ARHGEF3: variants seen among roughly 807,000 people sequenced by gnomAD.
ARHGEF3 encodes the protein Rho guanine nucleotide exchange factor 3.
ARHGEF3 carries 28 observed loss-of-function variants against 63.2 expected under a neutral mutation model. The ratio of observed to expected loss-of-function variants is 0.44; its 90% CI spans 0.33 to 0.61. ARHGEF3 has a LOEUF of 0.61. ARHGEF3 is among the 20% of genes least tolerant of loss of function. The pLI is 0.03. For missense variants in ARHGEF3, 533 were observed against 659.3 expected (o/e 0.81, Z 2.10); for synonymous variants, 266 against 254.2 (o/e 1.05, Z -0.44).
intron 4 of ARHGEF3, among the ~76,000 whole-genome samples, chr3:56,876,174 T>C (rs2040580477): frequency 6.6e-6 from 1 of 152,060 alleles, no homozygotes; most frequent in South Asian, 2.1e-4. Context: ...ACCAGCATGG[T>C]TGGCCTGCAT....
At chr3:56,972,337 C>T (rs1700949685) in intron 2 of ARHGEF3, among the ~76,000 whole-genome samples, 1 of 152,078 alleles carries the variant, frequency 6.6e-6, no homozygotes, top group Non-Finnish European at 1.5e-5. Flanking sequence ...TAAATAATTC[C>T]TATAAAGCAC....
intron 4 of ARHGEF3, among the ~76,000 whole-genome samples, chr3:56,816,250 G>T (rs138934473): frequency 6.6e-6 from 1 of 152,208 alleles, no homozygotes; most frequent in Non-Finnish European, 1.5e-5. Flanking sequence ...CTAGATGGTT[G>T]CTGGCATGAG....
At position 56,728,824 on chromosome 3, in the gene ARHGEF3, T is replaced by A. The variant is rs1269995533; in HGVS notation, c.*446A>T. On this transcript the variant is annotated 3_prime_UTR_variant, in exon 10 of 10. Transcript: ENST00000296315. ...GATTCTCTCTCTAATACCATCCCAATACACAGATGAGTTCCTCATGCCCTA... is the reference window on the plus strand; with the variant it reads ...GATTCTCTCTCTAATACCATCCCAAAACACAGATGAGTTCCTCATGCCCTA... 6.0e-6 allele frequency: 1 copy of A among 167,074 alleles called. No homozygotes were observed. The highest frequency in any genetic ancestry group is 2.4e-5 in the African/African-American group (1 of 41,708). 10.3% of individuals were successfully genotyped at this position (167,074 alleles called of 1,614,324 possible). A position where few individuals can be genotyped will look rare whatever the true frequency, so the allele number is the denominator to read the frequency against.
rs887427100 is a variant in ARHGEF3 at position 57,070,534 on chromosome 3, A to G, written c.-28+8692T>C. 2.0e-5 allele frequency among the ~76,000 whole-genome samples: 3 copies of G among 152,318 alleles called. No homozygotes were observed. In the East Asian group the frequency reaches 5.8e-4, roughly 29 times the overall value. On this transcript the variant is annotated intron_variant, in intron 1 of 12. Transcript: ENST00000338458. The stretch of plus-strand genomic sequence containing the variant: ...AGGTTCCACAGTTAATATTGTTAAG[A>G]TGGCAAAACTCCCCAAGTGATCTAC...
intron 3 of ARHGEF3, among the ~76,000 whole-genome samples, chr3:56,944,566 T>C (rs1434646649): frequency 7.3e-6 from 1 of 136,764 alleles, no homozygotes; most frequent in Non-Finnish European, 1.6e-5. Flanking sequence ...AGAAAGTGGT[T>C]TCTTTTTTTT....
At chr3:56,868,908 T>C (rs1384185212) in intron 4 of ARHGEF3, among the ~76,000 whole-genome samples, 1 of 152,200 alleles carries the variant, frequency 6.6e-6, no homozygotes, top group Non-Finnish European at 1.5e-5. Flanking sequence ...GTGTATGATG[T>C]ATGGCAGAGC....
intron 2 of ARHGEF3, among the ~76,000 whole-genome samples, chr3:56,761,535 G>A (rs2035420456): frequency 6.6e-6 from 1 of 151,968 alleles, no homozygotes; most frequent in Non-Finnish European, 1.5e-5. Flanking sequence ...CTCCTTGAAG[G>A]CAGGCATATC....
chr3:56,854,673 T>C (rs2039803650), intron 4 of ARHGEF3, among the ~76,000 whole-genome samples: 1 of 143,042 alleles, frequency 7.0e-6, no homozygotes, highest in African/African-American at 2.6e-5. Flanking sequence ...TGAGATTTGG[T>C]GGGAAACAAG....
At chr3:56,735,101 T>G (rs1456764086) in intron 8 of ARHGEF3, among the ~76,000 whole-genome samples, 1 of 152,084 alleles carries the variant, frequency 6.6e-6, no homozygotes, top group African/African-American at 2.4e-5. Context: ...CTGGCCAACA[T>G]GGTGAAACCC....
intron 1 of ARHGEF3, among the ~76,000 whole-genome samples, chr3:56,777,459 G>GT (rs2036339509): frequency 6.6e-6 from 1 of 152,152 alleles, no homozygotes; most frequent in Non-Finnish European, 1.5e-5. Flanking sequence ...CTTAGTATGA[G>GT]TTTTTTTATT....
intron 2 of ARHGEF3, among the ~76,000 whole-genome samples, chr3:56,974,597 G>A (rs937250109): frequency 2.6e-5 from 4 of 152,130 alleles, no homozygotes; most frequent in Admixed American, 2.6e-4. Flanking sequence ...TCAAAGTGCT[G>A]ACCCGCAAAT....
rs372220100 is a variant in ARHGEF3 at position 56,865,697 on chromosome 3, A to G, written c.192+16595T>C. Among the ~76,000 whole-genome samples, 37 of 152,230 alleles carry G rather than the reference A, an allele frequency of 2.4e-4. No individual in the cohort carries two copies. The East Asian group carries it at 3.5e-3, about 14-fold the overall frequency. The stretch of plus-strand genomic sequence containing the variant: ...GAATATTTGTGTCCCTCTGAAATTC[A>G]TATGTTGAAATTCTACCCTTAATGT... On this transcript the variant is annotated intron_variant, in intron 4 of 12. Coordinates refer to the ARHGEF3 transcript ENST00000338458.
intron 6 of ARHGEF3, among the ~76,000 whole-genome samples, chr3:56,747,722 G>A (rs1213442918): frequency 2.0e-5 from 3 of 152,154 alleles, no homozygotes; most frequent in Admixed American, 1.3e-4. Flanking sequence ...TTCTTGGGAG[G>A]CTGAGTCACA....
At chr3:56,953,240 ACT>A (rs1157381297) in intron 3 of ARHGEF3, among the ~76,000 whole-genome samples, 3 of 152,070 alleles carry the variant, frequency 2.0e-5, no homozygotes, top group Non-Finnish European at 4.4e-5. Context: ...AGCATTAGAG[ACT>A]CTGTCACTTT....
At chr3:56,734,724 AAC>A (rs1398003849) in intron 8 of ARHGEF3, among the ~76,000 whole-genome samples, 2 of 152,154 alleles carry the variant, frequency 1.3e-5, no homozygotes, top group Admixed American at 6.6e-5. Context: ...CTACCTCCCA[AAC>A]ACACACAAAC....
chr3:56,845,947 T>C (rs1046142027), intron 4 of ARHGEF3, among the ~76,000 whole-genome samples: 10 of 152,214 alleles, frequency 6.6e-5, no homozygotes, highest in Non-Finnish European at 1.3e-4. Flanking sequence ...TAGTGTTTAC[T>C]CTGTAGCAGC....
intron 1 of ARHGEF3, among the ~76,000 whole-genome samples, chr3:57,062,494 G>C (rs1437711267): frequency 6.6e-6 from 1 of 152,192 alleles, no homozygotes; most frequent in African/African-American, 2.4e-5. Flanking sequence ...AAGCCTTTCA[G>C]AGAAGAGGGA....
At chr3:56,775,549 A>G (rs1053241787) in intron 1 of ARHGEF3, 4 of 986,266 alleles carry the variant, frequency 4.1e-6, no homozygotes, top group Non-Finnish European at 4.8e-6. Context: ...AACTCTCAGA[A>G]CACTAGGAAG....
At chr3:56,737,452 C>A in intron 7 of ARHGEF3, 97 bp from the exon 8 acceptor site, 1 of 908,916 alleles carries the variant, frequency 1.1e-6, no homozygotes, top group Non-Finnish European at 1.6e-6. Flanking sequence ...CAGGACACAC[C>A]TGGATCTAAC....
Sources: allele counts gnomAD v4.1 joint callset (sites outside exome capture counted in the v4.1 genomes callset), GRCh38; gene constraint gnomAD v4.1.1; transcripts MANE v1.5; gene names NCBI Gene and HGNC (gene_info 2026-07-23, HGNC 2026-07-21).